The following KATNBL1 variants were observed in gnomAD, a reference collection of about 807,000 sequenced individuals.
KATNBL1 encodes the protein katanin regulatory subunit B1 like 1, also known as KATNB1-like protein 1.
A neutral mutation model predicts 44.7 loss-of-function variants in KATNBL1; 28 were observed. The observed-to-expected ratio is 0.63, with a 90% CI of 0.46 to 0.86. The LOEUF (loss-of-function observed/expected upper bound fraction) is 0.86, where lower values mean the gene tolerates loss of function less well. Ranked by LOEUF, KATNBL1 falls within the 40% of genes least tolerant of loss-of-function variation. The pLI is 0.00. For synonymous variants in KATNBL1, 78 were observed against 114.9 expected (o/e 0.68, Z 2.06); for missense variants, 272 against 350.7 (o/e 0.78, Z 1.79).
chr15:34,168,152 TAA>T (rs1390681271), intron 1 of KATNBL1, among the ~76,000 whole-genome samples: 3 of 152,018 alleles, frequency 2.0e-5, no homozygotes, highest in Non-Finnish European at 2.9e-5. Flanking sequence ...GCAAATTGGA[TAA>T]AGAGTCAAGA....
At chr15:34,175,672 C>A (rs547246904) in intron 1 of KATNBL1, among the ~76,000 whole-genome samples, 7 of 152,282 alleles carry the variant, frequency 4.6e-5, no homozygotes, top group Non-Finnish European at 8.8e-5. Flanking sequence ...CTAAAAAAGA[C>A]AGACAATAAC....
Position 34,163,574 on chromosome 15 carries a change from T to A in KATNBL1, c.103A>T (p.Lys35Ter). The change falls in exon 2 of 10, where the codon AAG (lysine) becomes TAG (stop). Residue 35 changes from lysine to a stop codon, truncating the protein, a stop_gained. Transcript: ENST00000256544. LOFTEE classifies it high-confidence loss of function. Reference protein sequence around the residue: ...PRKKISNFTNKNMKEVKKSPK... With the variant: ...PRKKISNFTN ...CATAGACTTACCTCCTTCATGTTCT[T>A]ATTAGTGAAATTAGAGATCTTTTTT... The A allele has an allele frequency of 6.3e-7, 1 of 1,596,498 alleles. No individual in the cohort carries two copies. Among genetic ancestry groups the A allele is most frequent in the Non-Finnish European group, 8.5e-7 (1 of 1,175,702 alleles).
At chr15:34,195,532 C>T (rs1171730109) in intron 1 of KATNBL1, among the ~76,000 whole-genome samples, 2 of 151,984 alleles carry the variant, frequency 1.3e-5, no homozygotes, top group Non-Finnish European at 2.9e-5. Context: ...TCACCACATG[C>T]AATATATCAA....
At chr15:34,174,194 G>A (rs1475997327) in intron 1 of KATNBL1, among the ~76,000 whole-genome samples, 1 of 152,086 alleles carries the variant, frequency 6.6e-6, no homozygotes, top group Non-Finnish European at 1.5e-5. Context: ...GAGGTTAAAG[G>A]GACATAAAAA....
At chr15:34,163,395 A>G (rs116502328) in intron 2 of KATNBL1, among the ~76,000 whole-genome samples, 165 bp downstream of exon 2, 2,890 of 152,324 alleles carry the variant, frequency 0.019, 85 homozygotes, top group African/African-American at 0.066. Flanking sequence ...AGACCTAACA[A>G]AGAAAAAAAA....
chr15:34,150,580 C>A (rs777113844), intron 4 of KATNBL1, among the ~76,000 whole-genome samples: 11 of 152,096 alleles, frequency 7.2e-5, no homozygotes, highest in Non-Finnish European at 1.0e-4. Context: ...GGTGATAGAG[C>A]GAGAGACCCT....
intron 1 of KATNBL1, among the ~76,000 whole-genome samples, chr15:34,185,685 A>T (rs1282844226): frequency 3.3e-5 from 5 of 152,186 alleles, no homozygotes; most frequent in African/African-American, 1.2e-4. Context: ...GAAGGCTCTA[A>T]TCAGGTGCTG....
chr15:34,169,678 C>A (rs1047880690), intron 1 of KATNBL1, among the ~76,000 whole-genome samples: 4 of 152,144 alleles, frequency 2.6e-5, no homozygotes, highest in Admixed American at 6.6e-5. Context: ...AACACTGATG[C>A]GAAAATCTTC....
chr15:34,194,125 A>G (rs1889967869), intron 1 of KATNBL1, among the ~76,000 whole-genome samples: 1 of 152,018 alleles, frequency 6.6e-6, no homozygotes, highest in Admixed American at 6.6e-5. Flanking sequence ...TATTTTTAGT[A>G]GAGACGGGGT....
chr15:34,190,294 A>T (rs1401241268), intron 1 of KATNBL1, among the ~76,000 whole-genome samples: 1 of 152,204 alleles, frequency 6.6e-6, no homozygotes, highest in Non-Finnish European at 1.5e-5. Context: ...GGGGACGAAT[A>T]ACAAGGAAGC....
chr15:34,194,558 G>GGCTGCT (rs1301997521), intron 1 of KATNBL1, among the ~76,000 whole-genome samples: 1 of 152,168 alleles, frequency 6.6e-6, no homozygotes, highest in African/African-American at 2.4e-5. Flanking sequence ...GGGAGGTGGA[G>GGCTGCT]GCTGCAGTTA....
intron 1 of KATNBL1, among the ~76,000 whole-genome samples, chr15:34,188,313 T>C (rs1889781074): frequency 6.6e-6 from 1 of 151,854 alleles, no homozygotes; most frequent in Non-Finnish European, 1.5e-5. Flanking sequence ...CCCAGCACTT[T>C]GGGAGGTTGA....
chr15:34,186,956 T>C (rs1298357851), intron 1 of KATNBL1, among the ~76,000 whole-genome samples: 3 of 152,186 alleles, frequency 2.0e-5, no homozygotes, highest in Non-Finnish European at 4.4e-5. Flanking sequence ...TGACAGCCCA[T>C]GGATCAACTG....
chr15:34,175,526 C>T (rs7174586), intron 1 of KATNBL1, among the ~76,000 whole-genome samples: 49,795 of 151,974 alleles, frequency 0.33, 8,567 homozygotes, highest in African/African-American at 0.45. Flanking sequence ...TCTTCAGAGG[C>T]TAAAACAGTT....
Position 34,189,040 on chromosome 15 carries a change from A to AT in KATNBL1, c.-15+20910dup, listed in dbSNP as rs909903735. On this transcript the variant is annotated intron_variant, in intron 1 of 9. Transcript: ENST00000256544. ...AGGAATTTCATACAACCTGGAACAC[A>AT]TTTTTTTTTGAGACAGAGTCTCGCT... 6.6e-5 allele frequency among the ~76,000 whole-genome samples: 10 copies of AT among 151,308 alleles called. No individual in the cohort carries two copies. In the East Asian group the frequency reaches 1.2e-3, roughly 18 times the overall value.
intron 1 of KATNBL1, among the ~76,000 whole-genome samples, chr15:34,188,137 TAA>T (rs1201268078): frequency 0.15 from 3,252 of 21,764 alleles, 51 homozygotes; most frequent in Non-Finnish European, 0.21. Context: ...AGACGCCATG[TAA>T]AAAAAAAAAA....
intron 1 of KATNBL1, among the ~76,000 whole-genome samples, chr15:34,181,430 G>A (rs990587935): frequency 4.0e-5 from 6 of 150,894 alleles, no homozygotes; most frequent in South Asian, 2.1e-4. Context: ...TCTTCAGATC[G>A]TATTAATCTT....
chr15:34,172,573 A>G (rs1010532196), intron 1 of KATNBL1, among the ~76,000 whole-genome samples: 2 of 152,100 alleles, frequency 1.3e-5, no homozygotes, highest in African/African-American at 4.8e-5. Context: ...CATATTCTAA[A>G]AAGGGGGATG....
At chr15:34,150,471 G>A (rs1301094554) in intron 4 of KATNBL1, among the ~76,000 whole-genome samples, 1 of 152,152 alleles carries the variant, frequency 6.6e-6, no homozygotes, top group Non-Finnish European at 1.5e-5. Flanking sequence ...GCACATGCCT[G>A]TAGTCCCAGT....
Sources: allele counts gnomAD v4.1 joint callset (sites outside exome capture counted in the v4.1 genomes callset), GRCh38; gene constraint gnomAD v4.1.1; transcripts MANE v1.5; gene names NCBI Gene and HGNC (gene_info 2026-07-23, HGNC 2026-07-21).